The following CORIN variants were observed in gnomAD, a reference collection of about 807,000 sequenced individuals.
CORIN encodes the protein corin, serine peptidase, also known as atrial natriuretic peptide-converting enzyme.
In CORIN, 117 loss-of-function variants were observed where a neutral mutation model predicts 125.3. The ratio of observed to expected loss-of-function variants is 0.93; its 90% CI spans 0.80 to 1.09. CORIN has a LOEUF of 1.09. CORIN is among the 50% of genes least tolerant of loss of function. The pLI is 0.00. For synonymous variants in CORIN, 450 were observed against 466.4 expected, an observed-to-expected ratio of 0.96 and a Z score of 0.45; for missense variants, 1,253 against 1,306.7, an observed-to-expected ratio of 0.96 and a Z score of 0.63.
rs1291566191 is a variant in CORIN, at chr4:47,603,684, A to G, written c.2541-16T>C. ...ATTCTCTCTCCTAAAATTATAATTC[A>G]AGAGCTATTGGCATCTTAAACTCTA... On this transcript the variant is annotated splice_polypyrimidine_tract_variant and intron_variant, in intron 19 of 21. Coordinates refer to ENST00000273857, the MANE Select transcript of CORIN (RefSeq NM_006587.4). 6.2e-7 allele frequency: 1 copy of G among 1,607,076 alleles called. No individual in the cohort carries two copies. Among genetic ancestry groups the G allele is most frequent in the African/African-American group, 1.3e-5 (1 of 74,962 alleles).
chr4:47,671,279 G>C (rs954456948), intron 10 of CORIN, among the ~76,000 whole-genome samples: 2 of 152,172 alleles, frequency 1.3e-5, no homozygotes, highest in African/African-American at 4.8e-5. Flanking sequence ...TCCAGTGAGA[G>C]GCTGTCTCCA....
chr4:47,837,594 G>A, intron 1 of CORIN: 1 of 535,012 alleles, frequency 1.9e-6, no homozygotes, highest in South Asian at 2.2e-5. Context: ...CATGGAGACC[G>A]GGGTCTCCGG....
chr4:47,753,038 GTTCT>G (rs1728974837), intron 4 of CORIN, among the ~76,000 whole-genome samples: 1 of 152,132 alleles, frequency 6.6e-6, no homozygotes, highest in Non-Finnish European at 1.5e-5. Flanking sequence ...TTCAATGTAG[GTTCT>G]TTCTATTTTC....
At chr4:47,736,327 A>C (rs965663107) in intron 5 of CORIN, among the ~76,000 whole-genome samples, 6 of 152,330 alleles carry the variant, frequency 3.9e-5, no homozygotes, top group Non-Finnish European at 7.4e-5. Flanking sequence ...ATGAGGTAGT[A>C]ACTTGCAGCA....
At chr4:47,623,813 T>C in intron 18 of CORIN, 68 bp from the exon 19 acceptor site, 1 of 1,609,632 alleles carries the variant, frequency 6.2e-7, no homozygotes, top group Non-Finnish European at 8.5e-7. Context: ...AGCTCTTTGC[T>C]GTCACTTACA....
At chr4:47,735,115 C>T (rs1279676477) in intron 5 of CORIN, among the ~76,000 whole-genome samples, 1 of 152,138 alleles carries the variant, frequency 6.6e-6, no homozygotes. Flanking sequence ...ATGATTAAGA[C>T]TGTATTATAT....
intron 11 of CORIN, among the ~76,000 whole-genome samples, chr4:47,662,564 C>T (rs1181806636): frequency 6.6e-6 from 1 of 151,476 alleles, no homozygotes; most frequent in Non-Finnish European, 1.5e-5. Flanking sequence ...TCTTTTTTTA[C>T]TTCTTATGGA....
At chr4:47,794,104 G>T (rs1234712775) in intron 2 of CORIN, among the ~76,000 whole-genome samples, 1 of 152,202 alleles carries the variant, frequency 6.6e-6, no homozygotes, top group African/African-American at 2.4e-5. Context: ...CTTAAGTAAT[G>T]TGGAGTCAGG....
chr4:47,670,965 T>C (rs1672107331), intron 10 of CORIN, among the ~76,000 whole-genome samples: 1 of 152,212 alleles, frequency 6.6e-6, no homozygotes, highest in African/African-American at 2.4e-5. Flanking sequence ...TTTAGGCTTT[T>C]TAAAAAAGCT....
At chr4:47,676,301 A>C (rs1307355381) in intron 9 of CORIN, among the ~76,000 whole-genome samples, 1 of 152,040 alleles carries the variant, frequency 6.6e-6, no homozygotes, top group African/African-American at 2.4e-5. Flanking sequence ...CATGCCTTGC[A>C]CCTTCCCACC....
intron 7 of CORIN, chr4:47,681,124 T>C (rs1187209908): frequency 1.3e-5 from 2 of 152,166 alleles, no homozygotes; most frequent in East Asian, 3.8e-4. Context: ...TTTTAGAAGA[T>C]GTATGTGGAT....
chr4:47,772,045 GTATTTTGCCA>G (rs1730055879), intron 3 of CORIN, among the ~76,000 whole-genome samples: 1 of 151,930 alleles, frequency 6.6e-6, no homozygotes, highest in African/African-American at 2.4e-5. Flanking sequence ...TCTTGGTGAT[GTATTTTGCCA>G]AGCTTCAAGC....
intron 16 of CORIN, among the ~76,000 whole-genome samples, chr4:47,628,836 T>C (rs1467862570): frequency 6.6e-6 from 1 of 152,086 alleles, no homozygotes; most frequent in African/African-American, 2.4e-5. Flanking sequence ...AAAGAAAATG[T>C]AGTGTGTGTA....
intron 5 of CORIN, among the ~76,000 whole-genome samples, chr4:47,728,515 C>T (rs969544439): frequency 2.8e-4 from 42 of 152,104 alleles, no homozygotes; most frequent in African/African-American, 9.7e-4. Flanking sequence ...GAATACAGAA[C>T]TAAAATAGAT....
Position 47,665,205 on chromosome 4 carries a change from A to G in CORIN, c.1416T>C (p.Ser472=), listed in dbSNP as rs1314631442. 2.5e-6 allele frequency: 4 copies of G among 1,614,046 alleles called. No individual in the cohort carries two copies. Among genetic ancestry groups the G allele is most frequent in the Non-Finnish European group, 3.4e-6 (4 of 1,179,932 alleles). Residue 472 remains serine, a synonymous_variant, in exon 11 of 22, where the codon AGT becomes AGC. Transcript: ENST00000273857. ...LCMNLPYNST[S]YPNYFGHRTQ... is the part of the protein sequence containing the mutation. The stretch of plus-strand genomic sequence containing the variant: ...TCCTGTGGCCAAAATAATTTGGATA[A>G]CTTGTACTGTTGTAGGGCAAATTCA...
At chr4:47,649,909 T>A (rs149386537) in intron 13 of CORIN, among the ~76,000 whole-genome samples, 1 of 152,062 alleles carries the variant, frequency 6.6e-6, no homozygotes, top group Non-Finnish European at 1.5e-5. Context: ...GAGCAAAGAG[T>A]GGTCTCCTCC....
At chr4:47,656,664 A>C (rs1723999507) in intron 12 of CORIN, among the ~76,000 whole-genome samples, 1 of 152,188 alleles carries the variant, frequency 6.6e-6, no homozygotes, top group Non-Finnish European at 1.5e-5. Context: ...TCACAGACCC[A>C]CAGTTAGTAT....
At chr4:47,683,434 A>G (rs771796922) in intron 7 of CORIN, 12 of 242,376 alleles carry the variant, frequency 5.0e-5, no homozygotes, top group Non-Finnish European at 8.8e-5. Flanking sequence ...TAACCAGAGG[A>G]GAAACAGAAC....
At chr4:47,673,904 G>A (rs1706989951) in intron 10 of CORIN, among the ~76,000 whole-genome samples, 1 of 152,158 alleles carries the variant, frequency 6.6e-6, no homozygotes, top group Non-Finnish European at 1.5e-5. Flanking sequence ...TTGGAAGGCA[G>A]AGGTTGCAGT....
Sources: allele counts gnomAD v4.1 joint callset (sites outside exome capture counted in the v4.1 genomes callset), GRCh38; gene constraint gnomAD v4.1.1; transcripts MANE v1.5; gene names NCBI Gene and HGNC (gene_info 2026-07-23, HGNC 2026-07-21).